Variants in RAP1GDS1 observed in about 807,000 individuals in gnomAD.
The protein encoded by RAP1GDS1 is Rap1 GTPase-GDP dissociation stimulator 1.
In RAP1GDS1, 35 loss-of-function variants were observed where a neutral mutation model predicts 71.1. The ratio of observed to expected loss-of-function variants is 0.49; its 90% confidence interval spans 0.38 to 0.65. The LOEUF (loss-of-function observed/expected upper bound fraction) is 0.65. Ranked by LOEUF, RAP1GDS1 falls within the 30% of genes least tolerant of loss-of-function variation. The pLI is 0.00. For synonymous variants in RAP1GDS1, 229 were observed against 243.1 expected (o/e 0.94, Z 0.54); for missense variants, 663 against 706.1 (o/e 0.94, Z 0.69).
intron 3 of RAP1GDS1, among the ~76,000 whole-genome samples, 177 bp from the exon 4 acceptor site, chr4:98,352,299 G>C (rs1737323747): frequency 6.6e-6 from 1 of 152,118 alleles, no homozygotes; most frequent in Admixed American, 6.5e-5. Context: ...GAAGCTTTTA[G>C]TAGGGCTGTA....
chr4:98,282,090 T>C (rs1430795950), intron 1 of RAP1GDS1, among the ~76,000 whole-genome samples: 2 of 152,072 alleles, frequency 1.3e-5, no homozygotes, highest in African/African-American at 4.8e-5. Flanking sequence ...TGTGTCTCTG[T>C]CAGGCTTTGG....
rs115650233 is a variant in RAP1GDS1, at chr4:98,372,795, T to C, written c.362-6222T>C. ...GAACTCCTAGGCTCAGGTGATTCTC[T>C]TACCGCAGCCTCCTGAGTAGCTAGG... On this transcript the variant is annotated intron_variant, in intron 4 of 14. Transcript: ENST00000408927. Among the ~76,000 whole-genome samples the C allele has an allele frequency of 7.9e-3, 1,206 of 152,228 alleles. 14 individuals are homozygous for C. The highest frequency in any genetic ancestry group is 0.028 in the African/African-American group (1,154 of 41,532).
At chr4:98,381,312 A>G (rs1227850251) in intron 5 of RAP1GDS1, among the ~76,000 whole-genome samples, 4 of 151,660 alleles carry the variant, frequency 2.6e-5, no homozygotes, top group South Asian at 4.1e-4. Flanking sequence ...TGTAACTATC[A>G]TCATCTTTCC....
At chr4:98,328,963 A>G (rs755919485) in intron 2 of RAP1GDS1, among the ~76,000 whole-genome samples, 2 of 152,104 alleles carry the variant, frequency 1.3e-5, no homozygotes, top group Non-Finnish European at 2.9e-5. Context: ...TTTTACCTAC[A>G]CTCTTAAGGT....
intron 2 of RAP1GDS1, among the ~76,000 whole-genome samples, chr4:98,307,140 G>A (rs576008268): frequency 3.2e-4 from 48 of 150,252 alleles, no homozygotes; most frequent in African/African-American, 1.2e-3. Flanking sequence ...TTTTTTTTTA[G>A]ATAATCAATT....
chr4:98,371,687 G>A (rs145789720), intron 4 of RAP1GDS1, among the ~76,000 whole-genome samples: 2,150 of 152,066 alleles, frequency 0.014, 54 homozygotes, highest in African/African-American at 0.049. Context: ...GTGTTGGCCA[G>A]GCTGGTCTCA....
intron 2 of RAP1GDS1, among the ~76,000 whole-genome samples, chr4:98,308,297 C>CCATATATATATA (rs1239038228): frequency 1.4e-5 from 1 of 73,228 alleles, no homozygotes; most frequent in African/African-American, 5.0e-5. Flanking sequence ...CACACACACA[C>CCATATATATATA]TATATATATA....
chr4:98,361,114 T>A (rs889779743), intron 4 of RAP1GDS1, among the ~76,000 whole-genome samples: 8 of 151,680 alleles, frequency 5.3e-5, no homozygotes, highest in African/African-American at 1.9e-4. Context: ...TTTACATTTT[T>A]CCTGCTGAGT....
intron 2 of RAP1GDS1, among the ~76,000 whole-genome samples, chr4:98,336,065 G>T (rs1734677757): frequency 6.6e-6 from 1 of 151,976 alleles, no homozygotes; most frequent in Non-Finnish European, 1.5e-5. Context: ...TTCCCCCAGG[G>T]TATCTGACAA....
At chr4:98,441,035 T>C (rs1193157336) in intron 14 of RAP1GDS1, among the ~76,000 whole-genome samples, 1 of 152,242 alleles carries the variant, frequency 6.6e-6, no homozygotes, top group Non-Finnish European at 1.5e-5. Context: ...ATCTTGATTA[T>C]TGTAGCTTTG....
intron 4 of RAP1GDS1, among the ~76,000 whole-genome samples, chr4:98,371,254 A>T (rs972646474): frequency 6.6e-6 from 1 of 151,686 alleles, no homozygotes; most frequent in Non-Finnish European, 1.5e-5. Context: ...CTAGGATTAC[A>T]GGCGTGTACC....
chr4:98,367,721 C>T lies in RAP1GDS1; in HGVS notation c.362-11296C>T, dbSNP rs1739721032. ...TTTGAAGCTTTAAGATTTGACTGCC[C>T]TGCTGGATTTCAGACTTGCATGCAG... On this transcript the variant is annotated intron_variant, in intron 4 of 14. Coordinates refer to ENST00000408927, the MANE Select transcript of RAP1GDS1 (RefSeq NM_001100427.2). Among the ~76,000 whole-genome samples the T allele has an allele frequency of 2.6e-5, 4 of 152,206 alleles. No homozygotes were observed. The South Asian group carries it at 8.3e-4, about 32-fold the overall frequency.
At chr4:98,293,605 T>C (rs1434441338) in intron 2 of RAP1GDS1, 90 bp downstream of exon 2, 1 of 861,748 alleles carries the variant, frequency 1.2e-6, no homozygotes, top group Non-Finnish European at 1.8e-6. Context: ...CACATAACTT[T>C]GTATTCATAT....
At chr4:98,352,010 TTA>T (rs761854658) in intron 3 of RAP1GDS1, among the ~76,000 whole-genome samples, 3 of 150,168 alleles carry the variant, frequency 2.0e-5, no homozygotes, top group South Asian at 4.2e-4. Flanking sequence ...ATACTTATAT[TTA>T]TATATATATT....
intron 4 of RAP1GDS1, among the ~76,000 whole-genome samples, chr4:98,367,852 T>G (rs1739748765): frequency 6.6e-6 from 1 of 152,144 alleles, no homozygotes; most frequent in Non-Finnish European, 1.5e-5. Flanking sequence ...TGCTTTTGAT[T>G]TTACAGGTTC....
chr4:98,431,547 G>A (rs1458389547), intron 12 of RAP1GDS1, among the ~76,000 whole-genome samples: 1 of 152,186 alleles, frequency 6.6e-6, no homozygotes, highest in African/African-American at 2.4e-5. Flanking sequence ...ACTGCATAAA[G>A]CATCTCCAGA....
chr4:98,296,779 GA>G, intron 2 of RAP1GDS1: 1 of 214,730 alleles, frequency 4.7e-6, no homozygotes, highest in Non-Finnish European at 9.4e-6. Context: ...CAAACATTAA[GA>G]CAGGAATTGT....
In RAP1GDS1 at chr4:98,377,038, T is replaced by G. The variant is rs565150244; in HGVS notation, c.362-1979T>G. Reference sequence around the variant, plus strand: ...TAAGAAGCCAGCTTTCATTCACAGTTCATTGCAAATAGGTGCCACATAGTT... The same window carrying G: ...TAAGAAGCCAGCTTTCATTCACAGTGCATTGCAAATAGGTGCCACATAGTT... On this transcript the variant is annotated intron_variant, in intron 4 of 14. Coordinates refer to ENST00000408927, the MANE Select transcript of RAP1GDS1 (RefSeq NM_001100427.2). 3.9e-5 allele frequency among the ~76,000 whole-genome samples: 6 copies of G among 152,110 alleles called. No homozygotes were observed. The South Asian group carries it at 1.2e-3, about 32-fold the overall frequency.
At chr4:98,281,246 A>G (rs1725041036) in intron 1 of RAP1GDS1, among the ~76,000 whole-genome samples, 1 of 152,210 alleles carries the variant, frequency 6.6e-6, no homozygotes, top group Non-Finnish European at 1.5e-5. Context: ...ATCCATGAGC[A>G]TAGAATGTTC....
Sources: gnomAD v4.1 joint callset for allele counts (sites outside exome capture counted in the v4.1 genomes callset) on GRCh38, gnomAD v4.1.1 for gene constraint, MANE v1.5 for transcripts, NCBI Gene and HGNC (gene_info 2026-07-23, HGNC 2026-07-21) for gene names.